The following CSMD3 variants were observed in gnomAD, a reference collection of about 807,000 sequenced individuals.
CSMD3 encodes the protein CUB and Sushi multiple domains 3.
In CSMD3, 177 loss-of-function variants were observed where a neutral mutation model predicts 435.2. The ratio of observed to expected loss-of-function variants is 0.41; its 90% confidence interval spans 0.36 to 0.46. The LOEUF is 0.46. Ranked by LOEUF, CSMD3 falls within the 20% of genes least tolerant of loss-of-function variation. The pLI is 0.34. For missense variants in CSMD3, 4,265 were observed against 4,504.6 expected, an observed-to-expected ratio of 0.95 and a Z score of 1.52; for synonymous variants, 1,656 against 1,520.5, an observed-to-expected ratio of 1.09 and a Z score of -2.07.
At chr8:113,211,644 G>A (rs577103987) in intron 3 of CSMD3, among the ~76,000 whole-genome samples, 8 of 152,078 alleles carry the variant, frequency 5.3e-5, no homozygotes, top group Admixed American at 4.6e-4. Context: ...AGCCGAGATC[G>A]CACCACTGCA....
rs1173448725 is a variant in CSMD3 at position 113,195,820 on chromosome 8, C to T, written c.515-21904G>A. ...ATATATATATATATATATATACACACACACACACACACACACACACCCCCA... is the reference window on the plus strand; with the variant it reads ...ATATATATATATATATATATACACATACACACACACACACACACACCCCCA... On this transcript the variant is annotated intron_variant, in intron 3 of 70. Transcript: ENST00000297405. Among the ~76,000 whole-genome samples, 67 of 129,244 alleles carry T rather than the reference C, an allele frequency of 5.2e-4. 1 individual carries two copies. The highest frequency in any genetic ancestry group is 4.2e-3 in the South Asian group (17 of 4,052). The allele number at this position is 129,244 out of a possible 152,430, so 84.8% of individuals were successfully genotyped here.
chr8:113,210,762 A>T (rs2092825136), intron 3 of CSMD3, among the ~76,000 whole-genome samples: 1 of 151,982 alleles, frequency 6.6e-6, no homozygotes, highest in Non-Finnish European at 1.5e-5. Flanking sequence ...CTGTAATCCC[A>T]GTTACTTGGG....
chr8:113,187,099 CG>C (rs2092515245), intron 3 of CSMD3, among the ~76,000 whole-genome samples: 2 of 150,404 alleles, frequency 1.3e-5, no homozygotes, highest in East Asian at 2.0e-4. Flanking sequence ...GTGAGGTGGG[CG>C]GGGGGCTGTT....
At chr8:112,826,740 C>T (rs1047205999) in intron 12 of CSMD3, among the ~76,000 whole-genome samples, 3 of 152,134 alleles carry the variant, frequency 2.0e-5, no homozygotes, top group African/African-American at 4.8e-5. Flanking sequence ...TGGCAGCCTC[C>T]GATCTCTGCT....
chr8:112,254,194 G>T, intron 63 of CSMD3, 59 bp downstream of exon 63: 1 of 1,174,110 alleles, frequency 8.5e-7, no homozygotes, highest in South Asian at 1.2e-5. Context: ...ATATGCATAT[G>T]AACCAAAGAC....
At chr8:112,408,187 G>A in intron 34 of CSMD3, 131 bp downstream of exon 34, 1 of 704,120 alleles carries the variant, frequency 1.4e-6, no homozygotes, top group Non-Finnish European at 2.6e-6. Context: ...ATCTAGTGAT[G>A]GTGGAGGGGA....
At chr8:112,457,204 T>C (rs1368984429) in intron 32 of CSMD3, among the ~76,000 whole-genome samples, 2 of 152,036 alleles carry the variant, frequency 1.3e-5, no homozygotes. Flanking sequence ...GGCATTAATA[T>C]TGAAAATAAT....
intron 3 of CSMD3, among the ~76,000 whole-genome samples, chr8:113,265,064 T>A (rs555392287): frequency 6.6e-6 from 1 of 151,762 alleles, no homozygotes; most frequent in East Asian, 1.9e-4. Context: ...AAATCCAAAA[T>A]GATTTTTTAT....
intron 14 of CSMD3, among the ~76,000 whole-genome samples, chr8:112,688,779 C>A (rs1423802957): frequency 6.6e-6 from 1 of 151,770 alleles, no homozygotes; most frequent in Admixed American, 6.6e-5. Flanking sequence ...GGATATCAGA[C>A]CTAATTTTAA....
At chr8:113,151,522 T>C (rs1468082377) in intron 4 of CSMD3, among the ~76,000 whole-genome samples, 3 of 151,738 alleles carry the variant, frequency 2.0e-5, no homozygotes, top group African/African-American at 7.3e-5. Context: ...CAAACAAAAA[T>C]AATGGCAAGA....
At chr8:112,884,079 A>G (rs2081522197) in intron 10 of CSMD3, among the ~76,000 whole-genome samples, 4 of 151,892 alleles carry the variant, frequency 2.6e-5, no homozygotes, top group Admixed American at 2.6e-4. Context: ...TTAACATCTT[A>G]AAAGTATGCC....
intron 5 of CSMD3, among the ~76,000 whole-genome samples, chr8:113,083,186 G>A (rs543096645): frequency 6.6e-6 from 1 of 151,962 alleles, no homozygotes; most frequent in Non-Finnish European, 1.5e-5. Context: ...TCTCTTCAAG[G>A]CACACTATAT....
At chr8:112,665,911 TGATTTG>T (rs2075511347) in intron 17 of CSMD3, among the ~76,000 whole-genome samples, 2 of 152,138 alleles carry the variant, frequency 1.3e-5, no homozygotes, top group African/African-American at 2.4e-5. Flanking sequence ...GCACTAGTGT[TGATTTG>T]AATGTGTTTA....
At chr8:113,158,232 A>C (rs1041163344) in intron 4 of CSMD3, among the ~76,000 whole-genome samples, 1 of 151,992 alleles carries the variant, frequency 6.6e-6, no homozygotes, top group Non-Finnish European at 1.5e-5. Context: ...AACAAGAAGC[A>C]GTCAGCAGAG....
chr8:112,322,624 C>T (rs1384412869), intron 45 of CSMD3, among the ~76,000 whole-genome samples: 1 of 152,054 alleles, frequency 6.6e-6, no homozygotes, highest in Non-Finnish European at 1.5e-5. Context: ...ATTCTTTTGG[C>T]TACAATTCTG....
At chr8:112,927,636 A>G (rs1006245027) in intron 9 of CSMD3, among the ~76,000 whole-genome samples, 1 of 152,176 alleles carries the variant, frequency 6.6e-6, no homozygotes, top group Non-Finnish European at 1.5e-5. Context: ...ACTCTAAGTT[A>G]CATTGATAAG....
chr8:113,249,778 A>G (rs2093317518), intron 3 of CSMD3, among the ~76,000 whole-genome samples: 1 of 151,992 alleles, frequency 6.6e-6, no homozygotes, highest in Non-Finnish European at 1.5e-5. Flanking sequence ...CTCTTGCCAT[A>G]AGTCTTTGTG....
chr8:112,392,957 C>A (rs2129774711), intron 35 of CSMD3, among the ~76,000 whole-genome samples: 1 of 150,186 alleles, frequency 6.7e-6, no homozygotes, highest in Admixed American at 6.7e-5. Context: ...CCTCAAATTC[C>A]TAGGCTCAAG....
intron 12 of CSMD3, among the ~76,000 whole-genome samples, chr8:112,806,822 T>C (rs909243172): frequency 3.9e-5 from 6 of 152,318 alleles, no homozygotes; most frequent in East Asian, 1.9e-4. Context: ...TTAGTAGTCA[T>C]ACAAGGAAAA....
Sources: allele counts gnomAD v4.1 joint callset (sites outside exome capture counted in the v4.1 genomes callset), GRCh38; gene constraint gnomAD v4.1.1; transcripts MANE v1.5; gene names NCBI Gene and HGNC (gene_info 2026-07-23, HGNC 2026-07-21).